Variants in TRAPPC9 observed in about 807,000 individuals in gnomAD.
TRAPPC9 encodes the protein IKK2 binding protein.
In TRAPPC9, 83 loss-of-function variants were observed where a neutral mutation model predicts 124.0. That is an observed-to-expected ratio of 0.67 (90% confidence interval 0.56 to 0.80). TRAPPC9 has a LOEUF of 0.80. TRAPPC9 is among the 30% of genes least tolerant of loss of function. TRAPPC9 has a pLI of 0.00. For synonymous variants in TRAPPC9, 638 were observed against 617.5 expected (o/e 1.03, Z -0.49); for missense variants, 1,302 against 1,508.3 (o/e 0.86, Z 2.27).
At chr8:139,765,550 T>C (rs1028162907) in intron 21 of TRAPPC9, among the ~76,000 whole-genome samples, 23 of 151,992 alleles carry the variant, frequency 1.5e-4, no homozygotes, top group African/African-American at 5.3e-4. Flanking sequence ...AGTTTAGAAA[T>C]AGGCAAGGAA....
intron 18 of TRAPPC9, among the ~76,000 whole-genome samples, chr8:140,012,298 T>G (rs956617734): frequency 1.3e-5 from 2 of 152,128 alleles, no homozygotes; most frequent in African/African-American, 4.8e-5. Context: ...AATCCTTTCT[T>G]CCCTCCACAA....
At chr8:140,234,236 C>T (rs1436211859) in intron 16 of TRAPPC9, among the ~76,000 whole-genome samples, 1 of 152,204 alleles carries the variant, frequency 6.6e-6, no homozygotes, top group Non-Finnish European at 1.5e-5. Flanking sequence ...GAGAATCTAA[C>T]GCCTGATGAT....
intron 2 of TRAPPC9, among the ~76,000 whole-genome samples, chr8:140,440,452 A>T (rs1231789146): frequency 6.6e-6 from 1 of 152,088 alleles, no homozygotes; most frequent in Non-Finnish European, 1.5e-5. Flanking sequence ...GGTTGCAGTG[A>T]GCCGAGATCA....
chr8:139,741,154 T>C (rs1379127012), intron 21 of TRAPPC9, among the ~76,000 whole-genome samples: 1 of 152,084 alleles, frequency 6.6e-6, no homozygotes, highest in African/African-American at 2.4e-5. Context: ...ACACTCCCCA[T>C]TGGGCATGAT....
chr8:139,752,274 A>G (rs574754574), intron 21 of TRAPPC9, among the ~76,000 whole-genome samples: 1 of 147,258 alleles, frequency 6.8e-6, no homozygotes, highest in African/African-American at 2.5e-5. Context: ...TCCATCCAAC[A>G]TCTACCCATC....
chr8:139,886,212 T>C (rs1830006112), intron 20 of TRAPPC9, among the ~76,000 whole-genome samples: 1 of 152,218 alleles, frequency 6.6e-6, no homozygotes, highest in African/African-American at 2.4e-5. Flanking sequence ...TACTGTTATG[T>C]AAGAAAGGGA....
Position 140,004,534 on chromosome 8 carries a change from G to A in TRAPPC9, c.2700-15698C>T, listed in dbSNP as rs547997651. ...CCAGTCCTCCAATGGGGATAACAACGCCTATGCTATGGAATTATTAGGAGG... is the reference window on the plus strand; with the variant it reads ...CCAGTCCTCCAATGGGGATAACAACACCTATGCTATGGAATTATTAGGAGG... On this transcript the variant is annotated intron_variant, in intron 18 of 22. Transcript: ENST00000438773. 1.1e-4 allele frequency among the ~76,000 whole-genome samples: 17 copies of A among 152,176 alleles called. No homozygotes were observed. In the South Asian group the frequency reaches 3.5e-3, roughly 32 times the overall value.
intron 19 of TRAPPC9, among the ~76,000 whole-genome samples, chr8:139,955,471 A>G (rs1834911838): frequency 6.6e-6 from 1 of 151,992 alleles, no homozygotes; most frequent in South Asian, 2.1e-4. Context: ...CAACACGTGA[A>G]GCAAATACAA....
At chr8:139,761,355 A>C (rs1469895237) in intron 21 of TRAPPC9, among the ~76,000 whole-genome samples, 4 of 152,150 alleles carry the variant, frequency 2.6e-5, no homozygotes, top group African/African-American at 9.7e-5. Context: ...AATCAAGCTC[A>C]CAGCCGGACA....
chr8:140,143,406 G>A (rs995429325), intron 17 of TRAPPC9, among the ~76,000 whole-genome samples: 3 of 152,196 alleles, frequency 2.0e-5, no homozygotes, highest in African/African-American at 7.2e-5. Context: ...CTATATGTCA[G>A]TCACGTCTCC....
chr8:140,146,577 T>C (rs906475321), intron 17 of TRAPPC9, among the ~76,000 whole-genome samples: 5 of 152,242 alleles, frequency 3.3e-5, no homozygotes, highest in Admixed American at 2.0e-4. Context: ...AAAAACAGCA[T>C]GAACCTTGGA....
intron 15 of TRAPPC9, among the ~76,000 whole-genome samples, chr8:140,271,799 C>T (rs546136565): frequency 7.2e-5 from 11 of 152,358 alleles, no homozygotes; most frequent in South Asian, 4.1e-4. Context: ...AGAAGTCAAA[C>T]AGTGGTAGCC....
Position 140,315,365 on chromosome 8 carries a change from CCT to C in TRAPPC9, c.1496-3993_1496-3992del, listed in dbSNP as rs1301141530. On this transcript the variant is annotated intron_variant, in intron 9 of 22. Coordinates refer to ENST00000438773, the MANE Select transcript of TRAPPC9 (RefSeq NM_001160372.4). ...CTGATGCAAGACCAGCATATGAGCC[CCT>C]GTGTCAGATTAACAAGGTCTTCTTG... Among the ~76,000 whole-genome samples the C allele has an allele frequency of 2.6e-5, 4 of 151,664 alleles. No individual in the cohort carries two copies. In the East Asian group the frequency reaches 5.8e-4, roughly 22 times the overall value.
chr8:139,910,573 A>G (rs1831659495), intron 19 of TRAPPC9, among the ~76,000 whole-genome samples: 1 of 152,336 alleles, frequency 6.6e-6, no homozygotes, highest in East Asian at 1.9e-4. Context: ...TTTCAATTCC[A>G]TAACACAGCA....
chr8:140,044,143 A>G (rs1227980817), intron 17 of TRAPPC9, among the ~76,000 whole-genome samples: 4 of 152,124 alleles, frequency 2.6e-5, no homozygotes, highest in Non-Finnish European at 5.9e-5. Context: ...CCCCAGTGCC[A>G]TCCCCTCTTT....
At chr8:139,737,394 C>G (rs1818248581) in intron 21 of TRAPPC9, among the ~76,000 whole-genome samples, 1 of 151,936 alleles carries the variant, frequency 6.6e-6, no homozygotes, top group East Asian at 1.9e-4. Flanking sequence ...GCGCATGTGT[C>G]CCCTCCCTCG....
rs185967298 is a variant in TRAPPC9 at position 140,446,210 on chromosome 8, C to T, written c.584+4580G>A. Among the ~76,000 whole-genome samples, 398 of 145,214 alleles carry T rather than the reference C, an allele frequency of 2.7e-3. 6 individuals are homozygous for T. The highest frequency in any genetic ancestry group is 6.9e-4 in the Non-Finnish European group (46 of 66,852). On this transcript the variant is annotated intron_variant, in intron 2 of 22. Transcript: ENST00000438773. The stretch of plus-strand genomic sequence containing the variant: ...TTGAGAGGCTGAAGCAGGAGAATTG[C>T]TTCAACCCAGGAGGTGGAGTTTGCA...
At chr8:139,787,515 C>T (rs926721320) in intron 21 of TRAPPC9, among the ~76,000 whole-genome samples, 15 of 152,186 alleles carry the variant, frequency 9.9e-5, no homozygotes, top group African/African-American at 3.4e-4. Context: ...GTCCTCCCTT[C>T]TGCCCCGACC....
intron 17 of TRAPPC9, among the ~76,000 whole-genome samples, chr8:140,092,833 A>C (rs1216411663): frequency 6.6e-6 from 1 of 152,236 alleles, no homozygotes; most frequent in African/African-American, 2.4e-5. Flanking sequence ...AAGGGTTAAG[A>C]GAATGGAACT....
Sources: allele counts gnomAD v4.1 joint callset (sites outside exome capture counted in the v4.1 genomes callset), GRCh38; gene constraint gnomAD v4.1.1; transcripts MANE v1.5; gene names NCBI Gene and HGNC (gene_info 2026-07-23, HGNC 2026-07-21).